SAFB2: variants seen among roughly 807,000 people sequenced by gnomAD.
The protein encoded by SAFB2 is scaffold attachment factor B2.
Under a neutral mutation model 100.6 loss-of-function variants are expected in SAFB2, and 32 were observed. The ratio of observed to expected loss-of-function variants is 0.32; its 90% confidence interval spans 0.24 to 0.43. SAFB2 has a LOEUF of 0.43. SAFB2 is among the 20% of genes least tolerant of loss of function. The pLI is 1.00. For missense variants in SAFB2, 1,185 were observed against 1,163.4 expected, an observed-to-expected ratio of 1.02 and a Z score of -0.27; for synonymous variants, 500 against 439.4, an observed-to-expected ratio of 1.14 and a Z score of -1.72.
chr19:5,613,172 C>T (rs1002619894), intron 5 of SAFB2, among the ~76,000 whole-genome samples: 1 of 152,186 alleles, frequency 6.6e-6, no homozygotes, highest in African/African-American at 2.4e-5. Flanking sequence ...TTCTTTCCCT[C>T]TTCAACCTAT....
rs942934081 is a variant in SAFB2, at chr19:5,588,113, A to G, written c.2526-133T>C. Reference sequence around the variant, plus strand: ...ACAAGGGCTGCATGTCAAGTGGGCAAATCAAGGGAAGGGACATTTCCCCAA... The same window carrying G: ...ACAAGGGCTGCATGTCAAGTGGGCAGATCAAGGGAAGGGACATTTCCCCAA... On this transcript the variant is annotated intron_variant, in intron 18 of 20. Transcript: ENST00000252542. The G allele has an allele frequency of 2.2e-5, 17 of 760,320 alleles. No individual in the cohort carries two copies. The Admixed American group carries it at 4.1e-4, about 18-fold the overall frequency. The allele number at this position is 760,320 out of a possible 1,614,324, so 47.1% of individuals were successfully genotyped here. A position where few individuals can be genotyped will look rare whatever the true frequency, so the allele number is the denominator to read the frequency against.
intron 15 of SAFB2, among the ~76,000 whole-genome samples, chr19:5,593,326 C>T (rs778089625): frequency 6.6e-6 from 1 of 152,226 alleles, no homozygotes; most frequent in African/African-American, 2.4e-5. Context: ...GAACTACACA[C>T]AGCTCTGGAC....
rs2053021505 is a variant in SAFB2 at position 5,616,048 on chromosome 19, G to C, written c.543+84C>G. ...ACTGTGTGTTCATGGCGGTTTAGCT[G>C]TGTTCTCCCTCACACGAGCAGCACG... On this transcript the variant is annotated intron_variant, in intron 4 of 20. Coordinates refer to ENST00000252542, the MANE Select transcript of SAFB2 (RefSeq NM_014649.3). The C allele has an allele frequency of 2.4e-6, 3 of 1,272,768 alleles. No homozygotes were observed. In the East Asian group the frequency reaches 7.0e-5, roughly 30 times the overall value. The allele number at this position is 1,272,768 out of a possible 1,614,324, so 78.8% of individuals were successfully genotyped here.
chr19:5,617,961 A>G (rs2053067131), intron 2 of SAFB2, among the ~76,000 whole-genome samples: 2 of 152,112 alleles, frequency 1.3e-5, no homozygotes, highest in South Asian at 4.1e-4. Flanking sequence ...CGGGCAACAA[A>G]GTGAGACCCC....
intron 11 of SAFB2, among the ~76,000 whole-genome samples, chr19:5,602,616 C>G (rs937357747): frequency 5.9e-5 from 9 of 151,970 alleles, no homozygotes. Flanking sequence ...GCTCCCCTCT[C>G]TAGGCCTGTA....
intron 11 of SAFB2, among the ~76,000 whole-genome samples, chr19:5,602,330 A>C (rs921664467): frequency 6.6e-6 from 1 of 151,580 alleles, no homozygotes; most frequent in East Asian, 1.9e-4. Flanking sequence ...TACAAAAAAA[A>C]TTAGCCGGGC....
intron 14 of SAFB2, among the ~76,000 whole-genome samples, chr19:5,594,474 G>A (rs999570148): frequency 3.9e-5 from 6 of 152,180 alleles, no homozygotes; most frequent in Non-Finnish European, 8.8e-5. Context: ...ACAAGAGAAC[G>A]CCGGGCATCC....
rs370802189 is a variant in SAFB2 at position 5,587,240 on chromosome 19, G to A, written c.*3C>T. On this transcript the variant is annotated 3_prime_UTR_variant, in exon 21 of 21. Transcript: ENST00000252542. The surrounding 1 kb of genome is among the most constrained non-coding windows in gnomAD (Gnocchi z 4.9). The stretch of plus-strand genomic sequence containing the variant: ...CCACCCGAAAACTCGCAGCGAGTGG[G>A]ACTTAGTAGCGGCGGGTGAAGTGGG... 1.4e-5 allele frequency: 23 copies of A among 1,613,352 alleles called. No individual in the cohort carries two copies. Among genetic ancestry groups the A allele is most frequent in the African/African-American group, 2.7e-5 (2 of 75,024 alleles).
intron 18 of SAFB2, among the ~76,000 whole-genome samples, chr19:5,589,652 T>C (rs2052345262): frequency 6.6e-6 from 1 of 151,804 alleles, no homozygotes; most frequent in Admixed American, 6.6e-5. Flanking sequence ...CCAAAGAAAC[T>C]AGAGAGGCAC....
intron 16 of SAFB2, 89 bp downstream of exon 16, chr19:5,592,658 G>A: frequency 2.0e-6 from 3 of 1,466,098 alleles, no homozygotes; most frequent in Non-Finnish European, 2.8e-6. Context: ...GAGCACACAG[G>A]AACCCCTGCA....
At chr19:5,612,597 A>AT in intron 5 of SAFB2, 30 bp from the exon 6 acceptor site, 1 of 1,598,758 alleles carries the variant, frequency 6.3e-7, no homozygotes, top group Non-Finnish European at 8.6e-7. Context: ...CAAATCCACA[A>AT]GTCACTTTAA....
rs537154345 is a variant in SAFB2 at position 5,622,463 on chromosome 19, G to C, written c.186+67C>G. Reference sequence around the variant, plus strand: ...AGGGCGCCCCGGGTCCGGGAGCCGCGGTGACAGGTGCAGGCGGGGGCGTGC... The same window carrying C: ...AGGGCGCCCCGGGTCCGGGAGCCGCCGTGACAGGTGCAGGCGGGGGCGTGC... On this transcript the variant is annotated intron_variant, in intron 1 of 20. Transcript: ENST00000252542. 2.0e-5 allele frequency: 28 copies of C among 1,423,170 alleles called. No individual in the cohort carries two copies. In the East Asian group the frequency reaches 6.4e-4, roughly 32 times the overall value. 88.2% of individuals were successfully genotyped at this position (1,423,170 alleles called of 1,614,324 possible).
At chr19:5,602,908 G>A (rs376167218) in intron 11 of SAFB2, among the ~76,000 whole-genome samples, 3 of 126,928 alleles carry the variant, frequency 2.4e-5, no homozygotes, top group East Asian at 2.2e-4. Context: ...AGGGCTCACC[G>A]CCCCCCCCAC....
chr19:5,590,452 C>A (rs771581649), intron 17 of SAFB2, 44 bp from the exon 18 acceptor site: 2 of 1,542,302 alleles, frequency 1.3e-6, no homozygotes, highest in Non-Finnish European at 8.8e-7. Flanking sequence ...CCATGTCACC[C>A]ACATAGGCCC....
At chr19:5,595,691 T>C (rs2052521964) in intron 13 of SAFB2, among the ~76,000 whole-genome samples, 194 bp from the exon 14 acceptor site, 1 of 152,224 alleles carries the variant, frequency 6.6e-6, no homozygotes, top group South Asian at 2.1e-4. Flanking sequence ...TAATCCAGAA[T>C]CCTGCTTTCA....
At chr19:5,608,093 T>A (rs2052816175) in intron 9 of SAFB2, among the ~76,000 whole-genome samples, 1 of 152,212 alleles carries the variant, frequency 6.6e-6, no homozygotes, top group African/African-American at 2.4e-5. Context: ...TCTGCATACT[T>A]CAGTCAAGTA....
At chr19:5,611,041 A>G (rs944366012) in intron 7 of SAFB2, 79 bp downstream of exon 7, 12 of 302,196 alleles carry the variant, frequency 4.0e-5, no homozygotes, top group Admixed American at 1.0e-4. Flanking sequence ...CCAATTGCAG[A>G]AAAAAACAGC....
intron 13 of SAFB2, among the ~76,000 whole-genome samples, chr19:5,597,292 G>C (rs966669036): frequency 6.6e-6 from 1 of 152,214 alleles, no homozygotes; most frequent in Non-Finnish European, 1.5e-5. Context: ...GAGGCTGGGA[G>C]TGGTGGCGCA....
intron 17 of SAFB2, 161 bp downstream of exon 17, chr19:5,591,587 T>A: frequency 1.6e-6 from 1 of 626,796 alleles, no homozygotes; most frequent in South Asian, 1.9e-5. Context: ...TAAATATTTG[T>A]ACTTCTAGTC....
Sources: gnomAD v4.1 joint callset for allele counts (sites outside exome capture counted in the v4.1 genomes callset) on GRCh38, gnomAD v4.1.1 for gene constraint, Gnocchi (gnomAD v3.1) non-coding constraint, MANE v1.5 for transcripts, NCBI Gene and HGNC (gene_info 2026-07-23, HGNC 2026-07-21) for gene names.